PACRG: variants seen among roughly 807,000 people sequenced by gnomAD.
The protein encoded by PACRG is parkin coregulated, also known as parkin coregulated gene protein.
In PACRG, 29 loss-of-function variants were observed where a neutral mutation model predicts 29.7. That is an observed-to-expected ratio of 0.98 (90% CI 0.73 to 1.33). The LOEUF is 1.33. PACRG is among the 40% of genes most tolerant of loss of function. PACRG has a pLI of 0.00. For synonymous variants in PACRG, 116 were observed against 118.7 expected (o/e 0.98, Z 0.15); for missense variants, 279 against 316.2 (o/e 0.88, Z 0.89).
chr6:162,983,320 G>A, intron 2 of PACRG, among the ~76,000 whole-genome samples: 1 of 151,930 alleles, frequency 6.6e-6, no homozygotes, highest in East Asian at 1.9e-4. Flanking sequence ...TTAATATTGA[G>A]ATGTGAGGTA....
chr6:162,818,588 A>G (rs1022790507), intron 2 of PACRG, among the ~76,000 whole-genome samples: 1 of 152,196 alleles, frequency 6.6e-6, no homozygotes, highest in African/African-American at 2.4e-5. Context: ...TAAATACCTG[A>G]GGCACTGTTA....
At chr6:163,260,505 C>G (rs180924480) in intron 4 of PACRG, among the ~76,000 whole-genome samples, 1 of 152,320 alleles carries the variant, frequency 6.6e-6, no homozygotes, top group African/African-American at 2.4e-5. Flanking sequence ...ATTTCTGTTC[C>G]TAATTGCTAT....
At chr6:163,235,934 GT>G (rs1029845848) in intron 4 of PACRG, among the ~76,000 whole-genome samples, 2 of 151,284 alleles carry the variant, frequency 1.3e-5, no homozygotes, top group Admixed American at 6.6e-5. Flanking sequence ...GAAAAAAGTT[GT>G]TTTTTTTGTT....
At chr6:163,095,900 A>G (rs1337948658) in intron 4 of PACRG, among the ~76,000 whole-genome samples, 1 of 152,164 alleles carries the variant, frequency 6.6e-6, no homozygotes, top group Non-Finnish European at 1.5e-5. Context: ...AGTCCAGATG[A>G]TATACCTCTT....
At chr6:163,126,368 A>G (rs764813491) in intron 4 of PACRG, among the ~76,000 whole-genome samples, 9 of 152,206 alleles carry the variant, frequency 5.9e-5, no homozygotes, top group Non-Finnish European at 1.2e-4. Flanking sequence ...CCTGTTGAAT[A>G]CATTAATCCC....
chr6:163,048,585 C>G (rs1809654501), intron 2 of PACRG, among the ~76,000 whole-genome samples: 1 of 152,018 alleles, frequency 6.6e-6, no homozygotes, highest in South Asian at 2.1e-4. Context: ...GTTATGTTGG[C>G]CTCAGACAGT....
intron 4 of PACRG, among the ~76,000 whole-genome samples, chr6:163,258,912 G>A (rs1281472027): frequency 6.6e-6 from 1 of 152,164 alleles, no homozygotes; most frequent in East Asian, 1.9e-4. Context: ...ATAAAAATGT[G>A]TTTATGAAAT....
chr6:163,048,259 C>A (rs554159846), intron 2 of PACRG, among the ~76,000 whole-genome samples: 1 of 152,258 alleles, frequency 6.6e-6, no homozygotes, highest in East Asian at 1.9e-4. Flanking sequence ...CCTTTCTAAC[C>A]AAAATGGGAA....
At chr6:163,266,664 G>A (rs1244951745) in intron 4 of PACRG, among the ~76,000 whole-genome samples, 1 of 152,114 alleles carries the variant, frequency 6.6e-6, no homozygotes, top group Non-Finnish European at 1.5e-5. Context: ...TGTGACTTTT[G>A]CATGTATTAC....
intron 4 of PACRG, among the ~76,000 whole-genome samples, chr6:163,279,482 C>T (rs1784156434): frequency 6.6e-6 from 1 of 152,130 alleles, no homozygotes; most frequent in Admixed American, 6.5e-5. Flanking sequence ...TGCAATTCTT[C>T]CTTTGCTCCT....
At position 163,213,778 on chromosome 6, in the gene PACRG, C is replaced by A. The variant is rs1244540748; in HGVS notation, c.614-101049C>A. Reference sequence around the variant, plus strand: ...CCCCACTTAAAGTTTACAAATAAATCCATTGATCTTTTCCTCAAGGACAGT... The same window carrying A: ...CCCCACTTAAAGTTTACAAATAAATACATTGATCTTTTCCTCAAGGACAGT... On this transcript the variant is annotated intron_variant, in intron 4 of 4. Transcript: ENST00000366888. Among the ~76,000 whole-genome samples the A allele has an allele frequency of 1.1e-4, 17 of 152,028 alleles. 1 individual carries two copies. The highest frequency in any genetic ancestry group is 1.1e-3 in the Admixed American group (17 of 15,272).
At position 163,215,342 on chromosome 6, in the gene PACRG, C is replaced by T. The variant is rs138774879; in HGVS notation, c.614-99485C>T. ...GAAAGTGGAATTAATTTGCTTCTAA[C>T]GCCATCTTGGCATGGCATATTTTTA... is the stretch of plus-strand genomic sequence containing the variant. On this transcript the variant is annotated intron_variant, in intron 4 of 4. Coordinates refer to ENST00000366888, the MANE Select transcript of PACRG (RefSeq NM_001080379.2). Among the ~76,000 whole-genome samples the T allele has an allele frequency of 1.5e-3, 229 of 152,280 alleles. 1 individual carries two copies. The highest frequency in any genetic ancestry group is 4.7e-3 in the African/African-American group (196 of 41,578).
Position 162,968,012 on chromosome 6 carries a change from T to A in PACRG, c.292-94138T>A, listed in dbSNP as rs187848279. On this transcript the variant is annotated intron_variant, in intron 2 of 4. Coordinates refer to ENST00000366888, the MANE Select transcript of PACRG (RefSeq NM_001080379.2). Reference sequence around the variant, plus strand: ...ATTCACAAATATTCCTAAAGAATATTTTTGTTCAGCTAACATCAAACTGTG... The same window carrying A: ...ATTCACAAATATTCCTAAAGAATATATTTGTTCAGCTAACATCAAACTGTG... Among the ~76,000 whole-genome samples, 17 of 152,334 alleles carry A rather than the reference T, an allele frequency of 1.1e-4. 1 individual carries two copies. The East Asian group carries it at 3.3e-3, about 29-fold the overall frequency.
chr6:162,826,548 C>G (rs1347521402), intron 2 of PACRG, among the ~76,000 whole-genome samples: 1 of 150,978 alleles, frequency 6.6e-6, no homozygotes, highest in Non-Finnish European at 1.5e-5. Flanking sequence ...ATCGCAACCT[C>G]TATCACCTGG....
At chr6:163,268,753 CTT>C (rs1783629454) in intron 4 of PACRG, among the ~76,000 whole-genome samples, 1 of 152,082 alleles carries the variant, frequency 6.6e-6, no homozygotes, top group Non-Finnish European at 1.5e-5. Context: ...TCCATGCCTC[CTT>C]GAAAAGTAGG....
chr6:162,941,030 A>G (rs9365511), intron 2 of PACRG, among the ~76,000 whole-genome samples: 63,820 of 146,332 alleles, frequency 0.44, 14,125 homozygotes, highest in East Asian at 0.52. Context: ...GTGTGTTTGT[A>G]TATGTGTGTG....
chr6:162,901,771 A>G (rs901259801), intron 2 of PACRG, among the ~76,000 whole-genome samples: 24 of 152,242 alleles, frequency 1.6e-4, no homozygotes, highest in Admixed American at 4.6e-4. Context: ...TCTGCTTTAA[A>G]TCCATTCCTA....
chr6:163,260,495 A>G (rs1783282070), intron 4 of PACRG, among the ~76,000 whole-genome samples: 1 of 152,114 alleles, frequency 6.6e-6, no homozygotes. Flanking sequence ...TTGTTATTCT[A>G]TTTCTGTTCC....
intron 4 of PACRG, among the ~76,000 whole-genome samples, chr6:163,307,542 T>TG (rs1285666075): frequency 1.3e-5 from 2 of 152,190 alleles, no homozygotes; most frequent in Admixed American, 6.5e-5. Flanking sequence ...AACCAAGACT[T>TG]TGGAAATATC....
Sources: gnomAD v4.1 joint callset for allele counts (sites outside exome capture counted in the v4.1 genomes callset) on GRCh38, gnomAD v4.1.1 for gene constraint, MANE v1.5 for transcripts, NCBI Gene and HGNC (gene_info 2026-07-23, HGNC 2026-07-21) for gene names.